Variants in XRCC4 observed in about 807,000 individuals in gnomAD.
The protein encoded by XRCC4 is X-ray repair cross complementing 4, also known as DNA repair protein XRCC4.
XRCC4 carries 28 observed loss-of-function variants against 39.1 expected under a neutral mutation model. The ratio of observed to expected loss-of-function variants is 0.72; its 90% CI spans 0.53 to 0.98. The LOEUF (loss-of-function observed/expected upper bound fraction) is 0.98, where lower values mean the gene tolerates loss of function less well. Among genes scored for constraint, XRCC4 ranks in the 50% least tolerant of loss-of-function variants. The probability of loss-of-function intolerance (pLI) is 0.00; values close to 1 mark genes in which losing one functional copy is unlikely to be tolerated. For missense variants in XRCC4, 350 were observed against 376.4 expected (o/e 0.93, Z 0.58); for synonymous variants, 123 against 126.4 (o/e 0.97, Z 0.18).
At chr5:83,173,542 G>A (rs1232778942) in intron 3 of XRCC4, among the ~76,000 whole-genome samples, 3 of 152,206 alleles carry the variant, frequency 2.0e-5, no homozygotes, top group African/African-American at 7.2e-5. Context: ...AGTCAAGTTA[G>A]ATTTTCTAAA....
chr5:83,343,111 C>T (rs982905885), intron 7 of XRCC4, among the ~76,000 whole-genome samples: 5 of 151,086 alleles, frequency 3.3e-5, no homozygotes, highest in Admixed American at 1.3e-4. Context: ...CCAGCCAGTG[C>T]TTAGGATGGA....
chr5:83,127,569 A>G (rs923468299), intron 3 of XRCC4, among the ~76,000 whole-genome samples: 1 of 150,094 alleles, frequency 6.7e-6, no homozygotes, highest in East Asian at 1.9e-4. Context: ...GTTTTTTTTT[A>G]AATAAATTAC....
At chr5:83,175,849 T>C (rs545892812) in intron 3 of XRCC4, among the ~76,000 whole-genome samples, 2 of 152,244 alleles carry the variant, frequency 1.3e-5, no homozygotes, top group African/African-American at 4.8e-5. Context: ...TCTCAGGTGA[T>C]CTGCCTGCCT....
intron 6 of XRCC4, among the ~76,000 whole-genome samples, chr5:83,229,332 C>T (rs1318462794): frequency 6.6e-6 from 1 of 151,960 alleles, no homozygotes; most frequent in Non-Finnish European, 1.5e-5. Flanking sequence ...CATTAACTAA[C>T]ATGATGCCAG....
chr5:83,135,192 C>T (rs978968683), intron 3 of XRCC4, among the ~76,000 whole-genome samples: 5 of 152,168 alleles, frequency 3.3e-5, no homozygotes, highest in South Asian at 4.1e-4. Flanking sequence ...TGATGCCCCA[C>T]CCTGCTTCGG....
At chr5:83,104,706 A>C (rs1203939147) in intron 1 of XRCC4, among the ~76,000 whole-genome samples, 1 of 152,166 alleles carries the variant, frequency 6.6e-6, no homozygotes, top group East Asian at 1.9e-4. Flanking sequence ...TTGTGAATTA[A>C]TATTGAAGAA....
chr5:83,309,788 A>G (rs1260103716), intron 7 of XRCC4, among the ~76,000 whole-genome samples: 1 of 149,120 alleles, frequency 6.7e-6, no homozygotes, highest in African/African-American at 2.4e-5. Context: ...AAAAGGGATT[A>G]AGGTTTTAGG....
At chr5:83,135,824 C>T (rs993072654) in intron 3 of XRCC4, among the ~76,000 whole-genome samples, 1 of 152,048 alleles carries the variant, frequency 6.6e-6, no homozygotes, top group African/African-American at 2.4e-5. Flanking sequence ...TTGTAATAAC[C>T]TTTAATGACC....
At chr5:83,104,211 G>GAT (rs1746087274) in intron 1 of XRCC4, among the ~76,000 whole-genome samples, 1 of 152,020 alleles carries the variant, frequency 6.6e-6, no homozygotes, top group Non-Finnish European at 1.5e-5. Flanking sequence ...GGCATGACTG[G>GAT]ATACTATCAG....
At chr5:83,366,633 G>A in the XRCC4 span, among the ~76,000 whole-genome samples, 3 of 152,252 alleles carry the variant, frequency 2.0e-5, no homozygotes, top group East Asian at 5.8e-4. Flanking sequence ...AAGACTCTGA[G>A]AATAATCCTC....
chr5:83,349,137 T>C (rs1253573698), intron 7 of XRCC4, among the ~76,000 whole-genome samples: 2 of 152,146 alleles, frequency 1.3e-5, no homozygotes, highest in East Asian at 1.9e-4. Context: ...AGTTCCAAAG[T>C]TGCTTCTATA....
Position 83,110,527 on chromosome 5 carries a change from A to G in XRCC4, c.140-501A>G, listed in dbSNP as rs189908507. Among the ~76,000 whole-genome samples the G allele has an allele frequency of 2.4e-3, 367 of 152,078 alleles. 2 individuals are homozygous for G. The highest frequency in any genetic ancestry group is 8.5e-3 in the African/African-American group (351 of 41,526). Reference sequence around the variant, plus strand: ...TTAGTTTCCTTCCTATTATTTCCTTATCATCTCCTTTCATCCATATTTTCT... The same window carrying G: ...TTAGTTTCCTTCCTATTATTTCCTTGTCATCTCCTTTCATCCATATTTTCT... On this transcript the variant is annotated intron_variant, in intron 2 of 7. Transcript: ENST00000396027.
At chr5:83,363,702 G>C in the XRCC4 span, among the ~76,000 whole-genome samples, 507 of 152,304 alleles carry the variant, frequency 3.3e-3, 15 homozygotes, top group East Asian at 0.076. Flanking sequence ...TGGCCCTTGG[G>C]CTTTGATATA....
intron 6 of XRCC4, 128 bp from the exon 7 acceptor site, chr5:83,258,402 A>AAAACAAATCTTT (rs1753629017): frequency 1.7e-6 from 2 of 1,151,424 alleles, no homozygotes; most frequent in Admixed American, 5.6e-5. Flanking sequence ...AATCTGCATA[A>AAAACAAATCTTT]AGATTTGAAA....
intron 7 of XRCC4, among the ~76,000 whole-genome samples, chr5:83,273,512 T>A (rs1047358713): frequency 1.4e-4 from 21 of 152,220 alleles, no homozygotes; most frequent in Non-Finnish European, 2.6e-4. Flanking sequence ...CTGAATGGTA[T>A]TGCCTAGGTT....
intron 2 of XRCC4, 145 bp downstream of exon 2, chr5:83,105,203 A>G (rs1043301583): frequency 2.7e-6 from 2 of 737,184 alleles, no homozygotes; most frequent in Admixed American, 7.0e-5. Flanking sequence ...GGTTTGTAAT[A>G]TTTAATGCCA....
At chr5:83,339,808 A>G (rs1756700621) in intron 7 of XRCC4, among the ~76,000 whole-genome samples, 1 of 152,166 alleles carries the variant, frequency 6.6e-6, no homozygotes, top group Non-Finnish European at 1.5e-5. Context: ...TGCTCTTTAG[A>G]ACCATTGTAG....
At chr5:83,277,737 T>C (rs1329237140) in intron 7 of XRCC4, among the ~76,000 whole-genome samples, 3 of 152,242 alleles carry the variant, frequency 2.0e-5, no homozygotes, top group African/African-American at 7.2e-5. Context: ...TTAGCTACCT[T>C]GTTACAAATT....
intron 7 of XRCC4, among the ~76,000 whole-genome samples, chr5:83,272,047 A>AT (rs1754161897): frequency 6.6e-6 from 1 of 152,132 alleles, no homozygotes; most frequent in South Asian, 2.1e-4. Flanking sequence ...GGACTATGGT[A>AT]TTTTCCTAAG....
Sources: gnomAD v4.1 joint callset for allele counts (sites outside exome capture counted in the v4.1 genomes callset) on GRCh38, gnomAD v4.1.1 for gene constraint, MANE v1.5 for transcripts, NCBI Gene and HGNC (gene_info 2026-07-23, HGNC 2026-07-21) for gene names.